The following SMOC2 variants were observed in gnomAD, a reference collection of about 807,000 sequenced individuals.
SMOC2 encodes the protein SPARC related modular calcium binding 2.
SMOC2 carries 39 observed loss-of-function variants against 61.4 expected under a neutral mutation model. The observed-to-expected ratio is 0.64, with a 90% confidence interval of 0.49 to 0.83. The LOEUF is 0.83. Ranked by LOEUF, SMOC2 falls within the 40% of genes least tolerant of loss-of-function variation. The probability of loss-of-function intolerance (pLI) is 0.00; values close to 1 mark genes in which losing one functional copy is unlikely to be tolerated. For missense variants in SMOC2, 556 were observed against 592.9 expected (o/e 0.94, Z 0.65); for synonymous variants, 247 against 239.9 (o/e 1.03, Z -0.27).
At chr6:168,456,447 G>A (rs565952652) in intron 1 of SMOC2, among the ~76,000 whole-genome samples, 2 of 152,302 alleles carry the variant, frequency 1.3e-5, no homozygotes, top group South Asian at 2.1e-4. Context: ...GAGAAACCTC[G>A]CAGTGGGTTC....
intron 1 of SMOC2, among the ~76,000 whole-genome samples, chr6:168,471,332 A>G (rs1221661668): frequency 2.0e-5 from 3 of 152,176 alleles, no homozygotes; most frequent in Non-Finnish European, 2.9e-5. Context: ...ATGTAGAATC[A>G]TGCAGTAGTG....
chr6:168,511,811 G>GTTTTTTTTT (rs144317852), intron 2 of SMOC2, among the ~76,000 whole-genome samples: 8 of 130,730 alleles, frequency 6.1e-5, no homozygotes, highest in Admixed American at 8.0e-5. Flanking sequence ...ATTATCAAGG[G>GTTTTTTTTT]TTGTTTTTTT....
chr6:168,661,298 T>G (rs1481265314), intron 11 of SMOC2, among the ~76,000 whole-genome samples: 1 of 152,126 alleles, frequency 6.6e-6, no homozygotes. Flanking sequence ...TACTGAACAA[T>G]GCGCTTTTTA....
At chr6:168,640,518 C>T (rs752424113) in intron 9 of SMOC2, among the ~76,000 whole-genome samples, 2 of 152,140 alleles carry the variant, frequency 1.3e-5, no homozygotes, top group Non-Finnish European at 2.9e-5. Flanking sequence ...TGCAACATCA[C>T]AGTGTGCTCA....
intron 1 of SMOC2, among the ~76,000 whole-genome samples, chr6:168,495,171 C>T (rs559020169): frequency 6.6e-6 from 1 of 152,224 alleles, no homozygotes; most frequent in African/African-American, 2.4e-5. Context: ...TATGTGGGCT[C>T]CTGCAGACCA....
chr6:168,588,218 G>A (rs558316055), intron 7 of SMOC2, among the ~76,000 whole-genome samples: 165 of 151,582 alleles, frequency 1.1e-3, no homozygotes, highest in South Asian at 5.1e-3. Context: ...CTGCCTCACG[G>A]GTTCAAGCAA....
At chr6:168,625,073 C>T (rs1298020825) in intron 9 of SMOC2, among the ~76,000 whole-genome samples, 2 of 152,194 alleles carry the variant, frequency 1.3e-5, no homozygotes, top group East Asian at 1.9e-4. Flanking sequence ...GCCCCCTGGA[C>T]ACTGTGAAGC....
chr6:168,645,924 T>G (rs1269620872), intron 9 of SMOC2, among the ~76,000 whole-genome samples: 1 of 152,078 alleles, frequency 6.6e-6, no homozygotes, highest in African/African-American at 2.4e-5. Flanking sequence ...AAACTGTGAG[T>G]GGATACATAG....
chr6:168,457,685 G>A (rs1012377018), intron 1 of SMOC2, among the ~76,000 whole-genome samples: 1 of 141,826 alleles, frequency 7.1e-6, no homozygotes, highest in Non-Finnish European at 1.5e-5. Context: ...CCACGCCCAC[G>A]AGTACATGTG....
At chr6:168,490,233 T>A (rs1413616982) in intron 1 of SMOC2, among the ~76,000 whole-genome samples, 2 of 151,648 alleles carry the variant, frequency 1.3e-5, no homozygotes, top group Non-Finnish European at 2.9e-5. Flanking sequence ...ATATATCGAA[T>A]TGTCTGGGTC....
At chr6:168,467,706 A>G (rs1360543084) in intron 1 of SMOC2, among the ~76,000 whole-genome samples, 1 of 152,164 alleles carries the variant, frequency 6.6e-6, no homozygotes, top group African/African-American at 2.4e-5. Flanking sequence ...CTTCCCCCTA[A>G]AAATTACATT....
intron 9 of SMOC2, among the ~76,000 whole-genome samples, chr6:168,616,084 TTGG>T: frequency 6.6e-6 from 1 of 152,194 alleles, no homozygotes; most frequent in East Asian, 1.9e-4. Flanking sequence ...AGGACCTCGC[TTGG>T]TGGCCTTTGA....
intron 1 of SMOC2, among the ~76,000 whole-genome samples, chr6:168,498,514 T>A (rs1782646188): frequency 6.6e-6 from 1 of 152,214 alleles, no homozygotes; most frequent in African/African-American, 2.4e-5. Context: ...ACAGAGCTAC[T>A]TCTTCAGTAA....
intron 1 of SMOC2, among the ~76,000 whole-genome samples, chr6:168,476,146 G>A (rs992524607): frequency 2.0e-5 from 3 of 152,142 alleles, no homozygotes; most frequent in Non-Finnish European, 4.4e-5. Flanking sequence ...ATCTCCAACT[G>A]TGCAGAGGCA....
intron 7 of SMOC2, among the ~76,000 whole-genome samples, chr6:168,556,460 G>A (rs1175648363): frequency 6.6e-6 from 1 of 152,114 alleles, no homozygotes; most frequent in African/African-American, 2.4e-5. Flanking sequence ...CAGACTGTGC[G>A]GGCCCTGGGC....
chr6:168,591,051 A>C (rs1452551074), intron 7 of SMOC2, among the ~76,000 whole-genome samples: 1 of 152,366 alleles, frequency 6.6e-6, no homozygotes, highest in East Asian at 1.9e-4. Context: ...AGTGAAATTG[A>C]AATCATATTT....
rs1380620920 is a variant in SMOC2 at position 168,475,327 on chromosome 6, G to A, written c.84+33873G>A. Reference sequence around the variant, plus strand: ...CCTTTCCTTCCTCTTCTCTGTGGACGTAGATTAAATTCACTCTCATTTATT... The same window carrying A: ...CCTTTCCTTCCTCTTCTCTGTGGACATAGATTAAATTCACTCTCATTTATT... On this transcript the variant is annotated intron_variant, in intron 1 of 12. Coordinates refer to ENST00000356284, the MANE Select transcript of SMOC2 (RefSeq NM_001166412.2). The surrounding 1 kb of genome is among the most constrained non-coding windows in gnomAD (Gnocchi z 4.6). Among the ~76,000 whole-genome samples, 2 of 152,132 alleles carry A rather than the reference G, an allele frequency of 1.3e-5. No homozygotes were observed. The highest frequency in any genetic ancestry group is 1.3e-4 in the Admixed American group (2 of 15,280).
intron 1 of SMOC2, among the ~76,000 whole-genome samples, chr6:168,495,832 G>C (rs1042837742): frequency 6.6e-6 from 1 of 152,018 alleles, no homozygotes; most frequent in Non-Finnish European, 1.5e-5. Flanking sequence ...CCCCATGGTG[G>C]CTTCACCCAC....
intron 1 of SMOC2, among the ~76,000 whole-genome samples, chr6:168,457,904 T>C (rs557524730): frequency 3.2e-4 from 49 of 152,208 alleles, no homozygotes; most frequent in African/African-American, 1.1e-3. Flanking sequence ...TGGGGGGCCC[T>C]TGCAGCCTGT....
Sources: allele counts gnomAD v4.1 joint callset (sites outside exome capture counted in the v4.1 genomes callset), GRCh38; gene constraint gnomAD v4.1.1; non-coding constraint Gnocchi (gnomAD v3.1); transcripts MANE v1.5; gene names NCBI Gene and HGNC (gene_info 2026-07-23, HGNC 2026-07-21).